DST: variants seen among roughly 807,000 people sequenced by gnomAD.
The protein encoded by DST is dystonin.
DST carries 253 observed loss-of-function variants against 875.2 expected under a neutral mutation model. The observed-to-expected ratio is 0.29, with a 90% CI of 0.26 to 0.32. The LOEUF (loss-of-function observed/expected upper bound fraction) is 0.32, where lower values mean the gene tolerates loss of function less well. DST is among the 10% of genes least tolerant of loss of function. The pLI is 1.00. For missense variants in DST, 8,287 were observed against 9,111.6 expected, an observed-to-expected ratio of 0.91 and a Z score of 3.68; for synonymous variants, 3,124 against 3,197.1, an observed-to-expected ratio of 0.98 and a Z score of 0.77.
chr6:56,943,980 G>A (rs1048730543), intron 2 of DST, among the ~76,000 whole-genome samples: 1 of 151,974 alleles, frequency 6.6e-6, no homozygotes, highest in Non-Finnish European at 1.5e-5. Context: ...AGCTGGGCGT[G>A]GTGGTGAGTG....
rs2099777492 is a variant in DST, at chr6:56,824,690, C to T, written c.625+26707G>A. ...CTGGGAGGTGAGGAGCGTCTGTGCC[C>T]AGCCGCCCCATCTGAGAAGTGAGGA... On this transcript the variant is annotated intron_variant, in intron 4 of 103. Transcript: ENST00000680361. Among the ~76,000 whole-genome samples, 3 of 151,986 alleles carry T rather than the reference C, an allele frequency of 2.0e-5. No individual in the cohort carries two copies. The South Asian group carries it at 6.2e-4, about 31-fold the overall frequency.
intron 34 of DST, 144 bp from the exon 35 acceptor site, chr6:56,625,408 A>G (rs1238026347): frequency 3.2e-6 from 2 of 632,898 alleles, no homozygotes; most frequent in Non-Finnish European, 5.6e-6. Flanking sequence ...ACCTAGATTC[A>G]TTAAATTAAG....
chr6:56,691,607 G>T (rs2099230097), intron 9 of DST, among the ~76,000 whole-genome samples: 1 of 152,066 alleles, frequency 6.6e-6, no homozygotes, highest in South Asian at 2.1e-4. Flanking sequence ...AACATGTAGA[G>T]GTTATGTGGA....
At chr6:56,699,542 A>C in intron 9 of DST, 111 bp downstream of exon 9, 1 of 590,376 alleles carries the variant, frequency 1.7e-6, no homozygotes, top group South Asian at 2.2e-5. Context: ...TTAAAGAAAG[A>C]AGCTTGAAAT....
intron 37 of DST, among the ~76,000 whole-genome samples, chr6:56,613,041 A>G (rs766882776): frequency 6.6e-6 from 1 of 152,090 alleles, no homozygotes; most frequent in Non-Finnish European, 1.5e-5. Context: ...AAATATATAT[A>G]TATACACATG....
intron 3 of DST, among the ~76,000 whole-genome samples, chr6:56,856,365 C>A (rs1474855807): frequency 6.6e-6 from 1 of 152,118 alleles, no homozygotes; most frequent in Non-Finnish European, 1.5e-5. Flanking sequence ...CAAGGGTTTG[C>A]AAAGTAGCCA....
At chr6:56,865,942 T>C (rs773228546) in intron 3 of DST, among the ~76,000 whole-genome samples, 16 of 152,116 alleles carry the variant, frequency 1.1e-4, no homozygotes, top group South Asian at 2.1e-4. Flanking sequence ...AAAGTACATA[T>C]AGGCATTCAA....
chr6:56,739,539 C>G (rs111534317), intron 4 of DST, among the ~76,000 whole-genome samples: 2,001 of 152,134 alleles, frequency 0.013, 49 homozygotes, highest in African/African-American at 0.045. Flanking sequence ...TGAATAGGAG[C>G]TAGGTAAAAG....
At chr6:56,525,686 T>G (rs1272635366) in intron 69 of DST, among the ~76,000 whole-genome samples, 2 of 152,290 alleles carry the variant, frequency 1.3e-5, no homozygotes, top group East Asian at 3.9e-4. Flanking sequence ...AATATAAATA[T>G]TCACAGAAAT....
chr6:56,864,721 C>T (rs1434994471), intron 3 of DST, among the ~76,000 whole-genome samples: 2 of 152,002 alleles, frequency 1.3e-5, no homozygotes, highest in African/African-American at 2.4e-5. Flanking sequence ...ACATACTACT[C>T]AATACATTTC....
Position 56,506,508 on chromosome 6 carries a change from T to C in DST, c.19399A>G (p.Lys6467Glu). The change falls in exon 77 of 104, where the codon AAA (lysine) becomes GAA (glutamate). Residue 6467 changes from lysine (K) to glutamate (E), a missense_variant. Coordinates refer to ENST00000680361, the MANE Select transcript of DST (RefSeq NM_001374736.1). ...SAWDSLNKAW[K>E]DRIDKLEEAM... is the part of the protein sequence containing the mutation. Reference sequence around the variant, plus strand: ...TCCTCAAGTTTGTCAATCCGGTCTTTCCAAGCTTTATTTAGAGAATCCCAT... The same window carrying C: ...TCCTCAAGTTTGTCAATCCGGTCTTCCCAAGCTTTATTTAGAGAATCCCAT... 6.2e-7 allele frequency: 1 copy of C among 1,613,202 alleles called. No individual in the cohort carries two copies.
At chr6:56,617,744 C>A (rs2098641609) in intron 36 of DST, among the ~76,000 whole-genome samples, 1 of 152,138 alleles carries the variant, frequency 6.6e-6, no homozygotes, top group Non-Finnish European at 1.5e-5. Flanking sequence ...TGTATCTCCA[C>A]AGATATAACA....
intron 9 of DST, among the ~76,000 whole-genome samples, chr6:56,690,161 G>C (rs180698490): frequency 4.6e-5 from 7 of 152,132 alleles, no homozygotes; most frequent in Admixed American, 4.6e-4. Flanking sequence ...ATTTAACTCA[G>C]GTAATCTTAT....
chr6:56,600,321 A>G (rs1471647711), intron 44 of DST, 100 bp from the exon 45 acceptor site: 13 of 1,087,278 alleles, frequency 1.2e-5, no homozygotes, highest in Non-Finnish European at 1.6e-5. Context: ...GTTTTGTCTA[A>G]TAAGCTTTTA....
chr6:56,737,646 G>A (rs2099530419), intron 4 of DST, among the ~76,000 whole-genome samples: 1 of 151,990 alleles, frequency 6.6e-6, no homozygotes, highest in Non-Finnish European at 1.5e-5. Flanking sequence ...CTACTGGACA[G>A]CGCTACTTTA....
In DST at chr6:56,525,433, A is replaced by G. The variant is rs528014863; in HGVS notation, c.18129+928T>C. Among the ~76,000 whole-genome samples, 5 of 152,318 alleles carry G rather than the reference A, an allele frequency of 3.3e-5. No individual in the cohort carries two copies. The East Asian group carries it at 9.7e-4, about 29-fold the overall frequency. On this transcript the variant is annotated intron_variant, in intron 69 of 103. Coordinates refer to ENST00000680361, the MANE Select transcript of DST (RefSeq NM_001374736.1). Reference sequence around the variant, plus strand: ...GCATTTCATCAGCTGTTGTGATCCCAGAGCACAGCACTAAAATGAGGAGCA... The same window carrying G: ...GCATTTCATCAGCTGTTGTGATCCCGGAGCACAGCACTAAAATGAGGAGCA...
chr6:56,638,317 T>C (rs1427276780), intron 22 of DST, among the ~76,000 whole-genome samples: 1 of 152,098 alleles, frequency 6.6e-6, no homozygotes, highest in African/African-American at 2.4e-5. Flanking sequence ...TCTTCTACGT[T>C]TTTAACATTC....
intron 4 of DST, among the ~76,000 whole-genome samples, chr6:56,816,183 T>C (rs2099766284): frequency 6.6e-6 from 1 of 152,196 alleles, no homozygotes; most frequent in African/African-American, 2.4e-5. Context: ...TAAAACTTCC[T>C]GCTGACTTAA....
chr6:56,648,133 T>TCTTCCTGCACAAAAGATG (rs1292473480), intron 13 of DST, among the ~76,000 whole-genome samples: 2 of 152,182 alleles, frequency 1.3e-5, no homozygotes, highest in African/African-American at 4.8e-5. Context: ...ACTGTGTACC[T>TCTTCCTGCACAAAAGATG]CTTCCTGCAC....
Sources: allele counts gnomAD v4.1 joint callset (sites outside exome capture counted in the v4.1 genomes callset), GRCh38; gene constraint gnomAD v4.1.1; transcripts MANE v1.5; gene names NCBI Gene and HGNC (gene_info 2026-07-23, HGNC 2026-07-21).